USP44: variants seen among roughly 807,000 people sequenced by gnomAD.
USP44 encodes the protein ubiquitin carboxyl-terminal hydrolase 44.
A neutral mutation model predicts 69.0 loss-of-function variants in USP44; 61 were observed. The ratio of observed to expected loss-of-function variants is 0.88; its 90% CI spans 0.72 to 1.09. The LOEUF (loss-of-function observed/expected upper bound fraction) is 1.09, where lower values mean the gene tolerates loss of function less well. USP44 is among the 50% of genes least tolerant of loss of function. The pLI is 0.00. For synonymous variants in USP44, 297 were observed against 295.4 expected (o/e 1.01, Z -0.06); for missense variants, 753 against 849.9 (o/e 0.89, Z 1.42).
chr12:95,528,698 A>G, intron 3 of USP44, 109 bp downstream of exon 3: 1 of 1,200,224 alleles, frequency 8.3e-7, no homozygotes, highest in East Asian at 2.5e-5. Context: ...TGATGAACTG[A>G]AAAAAAGTTC....
intron 1 of USP44, among the ~76,000 whole-genome samples, chr12:95,550,332 T>C (rs1208677694): frequency 6.6e-6 from 1 of 152,190 alleles, no homozygotes; most frequent in Non-Finnish European, 1.5e-5. Flanking sequence ...TAAAATGTAG[T>C]CATGCAAATA....
intron 5 of USP44, among the ~76,000 whole-genome samples, chr12:95,519,432 A>AC (rs199606254): frequency 0.21 from 17,645 of 85,038 alleles, 2,053 homozygotes; most frequent in East Asian, 0.42. Flanking sequence ...CTCAATCTGT[A>AC]TTTTTTTTTT....
At chr12:95,538,046 T>C (rs11108095) in intron 1 of USP44, among the ~76,000 whole-genome samples, 4,525 of 152,274 alleles carry the variant, frequency 0.03, 103 homozygotes, top group Non-Finnish European at 0.045. Context: ...GCATCTATAA[T>C]TAAACACATC....
At chr12:95,536,549 C>T (rs1022279375) in intron 1 of USP44, among the ~76,000 whole-genome samples, 2 of 151,992 alleles carry the variant, frequency 1.3e-5, no homozygotes, top group Non-Finnish European at 2.9e-5. Context: ...TTAGAGTCAT[C>T]CTTGACTCTC....
At chr12:95,521,261 G>T (rs2076653731) in intron 4 of USP44, 59 bp from the exon 5 acceptor site, 1 of 1,505,774 alleles carries the variant, frequency 6.6e-7, no homozygotes, top group Non-Finnish European at 9.2e-7. Context: ...CCACGTACTA[G>T]GTCTAGACAC....
Position 95,518,206 on chromosome 12 carries a change from C to T in USP44, c.2087G>A (p.Ser696Asn), listed in dbSNP as rs1257414220. 2 of 1,614,152 alleles carry T rather than the reference C, an allele frequency of 1.2e-6. No individual in the cohort carries two copies. The highest frequency in any genetic ancestry group is 2.2e-5 in the East Asian group (1 of 44,874). The change falls in exon 6 of 6, where the codon AGC becomes AAC. Residue 696 changes from serine to asparagine, a missense_variant. By Grantham distance (46) the Ser-to-Asn change is conservative. Transcript: ENST00000258499. ...KLLPPELLLGSQHPNEDADTS... is the reference protein window; with the variant it reads ...KLLPPELLLGNQHPNEDADTS... ...ATCAGCGTCTTCATTGGGATGTTGG[C>T]TCCCCAACAGGAGCTCTGGAGGCAA... is the stretch of plus-strand genomic sequence containing the variant.
At chr12:95,520,784 C>T (rs371299428) in intron 5 of USP44, among the ~76,000 whole-genome samples, 1 of 152,122 alleles carries the variant, frequency 6.6e-6, no homozygotes, top group Non-Finnish European at 1.5e-5. Context: ...TTATTATATC[C>T]CTCCAGCCCT....
At chr12:95,529,844 G>GA (rs143400372) in intron 2 of USP44, among the ~76,000 whole-genome samples, 6,927 of 152,132 alleles carry the variant, frequency 0.046, 216 homozygotes, top group Non-Finnish European at 0.068. Flanking sequence ...TTAAGGCCCT[G>GA]ACAACTGATA....
chr12:95,541,592 C>CA (rs1047348748), intron 1 of USP44, among the ~76,000 whole-genome samples: 4 of 151,552 alleles, frequency 2.6e-5, no homozygotes, highest in Admixed American at 6.6e-5. Context: ...AAAAACAAAA[C>CA]AAAAAAAAGT....
At chr12:95,542,254 T>C (rs1382175708) in intron 1 of USP44, among the ~76,000 whole-genome samples, 5 of 152,240 alleles carry the variant, frequency 3.3e-5, no homozygotes, top group Non-Finnish European at 7.3e-5. Context: ...CCTTGTGTTA[T>C]GTGTGCATAC....
chr12:95,542,523 T>C (rs1460797983), intron 1 of USP44, among the ~76,000 whole-genome samples: 2 of 152,156 alleles, frequency 1.3e-5, no homozygotes, highest in African/African-American at 4.8e-5. Context: ...CCCAGCACTT[T>C]GGGAGGCCAA....
intron 5 of USP44, among the ~76,000 whole-genome samples, chr12:95,519,904 G>A (rs556676874): frequency 2.0e-5 from 3 of 149,518 alleles, no homozygotes; most frequent in Non-Finnish European, 4.4e-5. Context: ...GCCAGGCGTG[G>A]TGGTGCACAC....
intron 1 of USP44, among the ~76,000 whole-genome samples, chr12:95,540,499 C>T (rs1385579714): frequency 3.3e-5 from 5 of 152,014 alleles, no homozygotes; most frequent in South Asian, 2.1e-4. Flanking sequence ...CATGCCACCA[C>T]GCAAGGCGAA....
Position 95,533,607 on chromosome 12 carries a change from T to G in USP44, c.650A>C (p.Gln217Pro), listed in dbSNP as rs752514844. Reference sequence around the variant, plus strand: ...TATTATGGTCGACTGAGCGAGCCCTTGTAAACGTAAACTCTTTCTTGGAGG... The same window carrying G: ...TATTATGGTCGACTGAGCGAGCCCTGGTAAACGTAAACTCTTTCTTGGAGG... ...SMPPRKSLRL[Q>P]GLAQSTIIEI... Residue 217 changes from glutamine (Q) to proline (P), a missense_variant, in exon 2 of 6, where the codon CAA (glutamine) becomes CCA (proline). Gln to Pro is a moderately conservative substitution (Grantham distance 76, BLOSUM62 -1). Transcript: ENST00000258499. The G allele has an allele frequency of 5.0e-6, 8 of 1,613,712 alleles. No individual in the cohort carries two copies. The highest frequency in any genetic ancestry group is 6.8e-6 in the Non-Finnish European group (8 of 1,180,032).
rs886304133 is a variant in USP44, at chr12:95,542,750, C to CA, written c.-70-8425dup. The stretch of plus-strand genomic sequence containing the variant: ...TGGGTGACAGAGCAAGACTCCATCT[C>CA]AAAAAAAAAACCAAAACACAAAAAA... On this transcript the variant is annotated intron_variant, in intron 1 of 5. Transcript: ENST00000258499. Among the ~76,000 whole-genome samples the CA allele has an allele frequency of 9.3e-3, 1,240 of 132,842 alleles. 16 individuals carry two copies. Among genetic ancestry groups the CA allele is most frequent in the African/African-American group, 0.029 (1,028 of 35,408 alleles). 87.1% of individuals were successfully genotyped at this position (132,842 alleles called of 152,430 possible). A position where few individuals can be genotyped will look rare whatever the true frequency, so the allele number is the denominator to read the frequency against.
Position 95,533,577 on chromosome 12 carries a change from A to G in USP44, c.680T>C (p.Ile227Thr). ...TTGTGCTGGCACCTGAACAGAAACT[A>G]TTTCTATTATGGTCGACTGAGCGAG... ...QGLAQSTIIE[I>T]VSVQVPAQTP... The change falls in exon 2 of 6, where the codon ATA becomes ACA. Residue 227 changes from isoleucine to threonine, a missense_variant. Physicochemically the swap from Ile to Thr is moderately conservative, Grantham distance 89. Transcript: ENST00000258499. 6.2e-7 allele frequency: 1 copy of G among 1,613,492 alleles called. No individual in the cohort carries two copies. Among genetic ancestry groups the G allele is most frequent in the South Asian group, 1.1e-5 (1 of 90,958 alleles).
intron 2 of USP44, among the ~76,000 whole-genome samples, chr12:95,530,377 T>C (rs1221167555): frequency 1.3e-5 from 2 of 152,018 alleles, no homozygotes; most frequent in Admixed American, 6.6e-5. Flanking sequence ...TCCCAGCACT[T>C]TGAGAGGCCA....
chr12:95,527,101 T>A (rs2076864601), intron 3 of USP44, among the ~76,000 whole-genome samples: 1 of 151,394 alleles, frequency 6.6e-6, no homozygotes, highest in Non-Finnish European at 1.5e-5. Context: ...ATCATTCTTT[T>A]TTTTTTTTTT....
At chr12:95,530,364 T>A (rs572822641) in intron 2 of USP44, among the ~76,000 whole-genome samples, 5 of 152,166 alleles carry the variant, frequency 3.3e-5, no homozygotes, top group Non-Finnish European at 7.3e-5. Flanking sequence ...CTCATGCCTG[T>A]AATCCCAGCA....
Sources: allele counts gnomAD v4.1 joint callset (sites outside exome capture counted in the v4.1 genomes callset), GRCh38; gene constraint gnomAD v4.1.1; transcripts MANE v1.5; gene names NCBI Gene and HGNC (gene_info 2026-07-23, HGNC 2026-07-21).